Variants in SLC12A8 observed in about 807,000 individuals in gnomAD.
SLC12A8 encodes cation-chloride cotransporter 9.
SLC12A8 carries 69 observed loss-of-function variants against 75.6 expected under a neutral mutation model. The observed-to-expected ratio is 0.91, with a 90% CI of 0.75 to 1.11. The LOEUF (loss-of-function observed/expected upper bound fraction) is 1.11, where lower values mean the gene tolerates loss of function less well. Ranked by LOEUF, SLC12A8 falls within the 50% of genes most tolerant of loss-of-function variation. The probability of loss-of-function intolerance (pLI) is 0.00; values close to 1 mark genes in which losing one functional copy is unlikely to be tolerated. For synonymous variants in SLC12A8, 365 were observed against 372.8 expected (o/e 0.98, Z 0.24); for missense variants, 877 against 896.7 (o/e 0.98, Z 0.28).
At chr3:125,172,318 C>T (rs1018749229) in intron 5 of SLC12A8, among the ~76,000 whole-genome samples, 43 of 148,844 alleles carry the variant, frequency 2.9e-4, no homozygotes, top group Non-Finnish European at 5.0e-4. Flanking sequence ...CTCTCTCTCC[C>T]TCTCCCTCTT....
At chr3:125,164,966 C>G (rs1042421501) in intron 5 of SLC12A8, among the ~76,000 whole-genome samples, 1 of 152,174 alleles carries the variant, frequency 6.6e-6, no homozygotes, top group African/African-American at 2.4e-5. Flanking sequence ...GGCTGGGGCC[C>G]CCACTTAAAC....
intron 5 of SLC12A8, among the ~76,000 whole-genome samples, chr3:125,175,827 C>A (rs573311324): frequency 2.6e-4 from 40 of 151,706 alleles, no homozygotes; most frequent in Non-Finnish European, 2.8e-4. Context: ...AAAGCCTGGG[C>A]TCCAGGTGAT....
chr3:125,147,634 T>C (rs1314007028), intron 5 of SLC12A8, among the ~76,000 whole-genome samples: 2 of 152,074 alleles, frequency 1.3e-5, no homozygotes, highest in African/African-American at 4.8e-5. Context: ...CCATACATCC[T>C]GCCCTACATC....
chr3:125,191,055 G>A (rs1004848025), intron 2 of SLC12A8, among the ~76,000 whole-genome samples: 1 of 152,162 alleles, frequency 6.6e-6, no homozygotes. Context: ...TTACTGAAGC[G>A]CTCTTTGCTC....
intron 9 of SLC12A8, among the ~76,000 whole-genome samples, chr3:125,108,328 T>A (rs547431850): frequency 2.0e-5 from 3 of 152,288 alleles, no homozygotes; most frequent in South Asian, 2.1e-4. Context: ...CAGACTGACA[T>A]GCAGTAAGCT....
At chr3:125,210,184 A>G (rs1411478877) in intron 2 of SLC12A8, among the ~76,000 whole-genome samples, 1 of 152,254 alleles carries the variant, frequency 6.6e-6, no homozygotes, top group Non-Finnish European at 1.5e-5. Flanking sequence ...TGATCAATCA[A>G]CTAAAATTTA....
At chr3:125,115,415 T>TG (rs1282767028) in intron 8 of SLC12A8, among the ~76,000 whole-genome samples, 15 of 151,596 alleles carry the variant, frequency 9.9e-5, no homozygotes, top group Non-Finnish European at 2.2e-4. Context: ...CCCAGCTACT[T>TG]GGGGGGCTGA....
intron 5 of SLC12A8, among the ~76,000 whole-genome samples, chr3:125,146,707 C>A (rs2015305): frequency 6.6e-6 from 1 of 152,174 alleles, no homozygotes; most frequent in Non-Finnish European, 1.5e-5. Flanking sequence ...GGCATGATCA[C>A]GGCTCACTGC....
chr3:125,131,302 A>G (rs939471753), intron 6 of SLC12A8, among the ~76,000 whole-genome samples: 4 of 152,234 alleles, frequency 2.6e-5, no homozygotes, highest in African/African-American at 9.6e-5. Context: ...ATCGCTGGGG[A>G]AAACATGAGG....
chr3:125,187,522 G>T, intron 3 of SLC12A8, 94 bp from the exon 4 acceptor site: 3 of 1,174,722 alleles, frequency 2.6e-6, no homozygotes, highest in Non-Finnish European at 3.7e-6. Context: ...TCCTCCCACA[G>T]CACTGGAATA....
At position 125,196,108 on chromosome 3, in the gene SLC12A8, T is replaced by C. The variant is rs557191164; in HGVS notation, c.52-5587A>G. Among the ~76,000 whole-genome samples the C allele has an allele frequency of 1.1e-4, 17 of 152,364 alleles. 1 individual carries two copies. The highest frequency in any genetic ancestry group is 3.8e-4 in the East Asian group (2 of 5,196). The stretch of plus-strand genomic sequence containing the variant: ...CTTATGTAGTGAGTAGACCCATTCA[T>C]ATAGTTAAAATTTTTGGAATCATGT... On this transcript the variant is annotated intron_variant, in intron 2 of 13. Transcript: ENST00000469902.
intron 6 of SLC12A8, chr3:125,126,079 G>A (rs770313601): frequency 2.5e-5 from 5 of 197,930 alleles, no homozygotes; most frequent in Non-Finnish European, 4.6e-5. Context: ...TGTCTGGTCT[G>A]CACACTGTTA....
At chr3:125,134,832 A>G (rs1378925011) in intron 6 of SLC12A8, among the ~76,000 whole-genome samples, 1 of 152,194 alleles carries the variant, frequency 6.6e-6, no homozygotes, top group Non-Finnish European at 1.5e-5. Context: ...CATATGTAGG[A>G]GGGCAGAGGG....
At chr3:125,108,319 A>G (rs1171606579) in intron 9 of SLC12A8, among the ~76,000 whole-genome samples, 193 bp from the exon 10 acceptor site, 2 of 152,186 alleles carry the variant, frequency 1.3e-5, no homozygotes, top group Non-Finnish European at 2.9e-5. Context: ...TGCTTCACAC[A>G]GACTGACATG....
intron 6 of SLC12A8, among the ~76,000 whole-genome samples, chr3:125,133,412 A>G (rs1201987544): frequency 6.6e-6 from 1 of 151,342 alleles, no homozygotes; most frequent in Non-Finnish European, 1.5e-5. Flanking sequence ...TCACTCTGTC[A>G]CTCAGGCTGG....
At chr3:125,164,543 AAGGAGCC>A (rs1215637671) in intron 5 of SLC12A8, among the ~76,000 whole-genome samples, 5 of 152,196 alleles carry the variant, frequency 3.3e-5, no homozygotes, top group African/African-American at 1.2e-4. Flanking sequence ...GCAGGAGGAA[AAGGAGCC>A]AGTCCTTACG....
At chr3:125,211,201 T>A in intron 2 of SLC12A8, 98 bp downstream of exon 2, 1 of 996,602 alleles carries the variant, frequency 1.0e-6, no homozygotes, top group Non-Finnish European at 1.6e-6. Context: ...GTTAATTACA[T>A]CTAAAGGGTG....
At position 125,135,805 on chromosome 3, in the gene SLC12A8, A is replaced by C. The variant is rs1386488560; in HGVS notation, c.623-23T>G. On this transcript the variant is annotated intron_variant, in intron 5 of 13. Transcript: ENST00000469902. ...GTTCTGAAATAAAGCAATGGAGAGC[A>C]ACGTAAGCCCAGTGAGAAGACACAG... is the stretch of plus-strand genomic sequence containing the variant. The C allele has an allele frequency of 2.1e-6, 3 of 1,410,536 alleles. No individual in the cohort carries two copies. In the Admixed American group the frequency reaches 5.6e-5, roughly 26 times the overall value. 87.4% of individuals were successfully genotyped at this position (1,410,536 alleles called of 1,614,324 possible).
chr3:125,166,215 G>A (rs1934283823), intron 5 of SLC12A8, among the ~76,000 whole-genome samples: 1 of 151,856 alleles, frequency 6.6e-6, no homozygotes, highest in African/African-American at 2.4e-5. Flanking sequence ...CCCCACACCT[G>A]TTCCAGCTGC....
Sources: allele counts gnomAD v4.1 joint callset (sites outside exome capture counted in the v4.1 genomes callset), GRCh38; gene constraint gnomAD v4.1.1; transcripts MANE v1.5; gene names NCBI Gene and HGNC (gene_info 2026-07-23, HGNC 2026-07-21).